The following SLC6A17 variants were observed in gnomAD, a reference collection of about 807,000 sequenced individuals.
SLC6A17 encodes the protein sodium-dependent neutral amino acid transporter SLC6A17.
A neutral mutation model predicts 64.5 loss-of-function variants in SLC6A17; 21 were observed. The observed-to-expected ratio is 0.33, with a 90% CI of 0.23 to 0.47. The LOEUF is 0.47. Ranked by LOEUF, SLC6A17 falls within the 20% of genes least tolerant of loss-of-function variation. SLC6A17 has a pLI of 1.00. For synonymous variants in SLC6A17, 372 were observed against 399.5 expected (o/e 0.93, Z 0.82); for missense variants, 682 against 963.2 (o/e 0.71, Z 3.86).
rs1426408047 is a variant in SLC6A17 at position 110,172,402 on chromosome 1, T to C, written c.444+185T>C. 8.0e-6 allele frequency: 6 copies of C among 745,424 alleles called. No homozygotes were observed. In the African/African-American group the frequency reaches 8.9e-5, roughly 11 times the overall value. The allele number at this position is 745,424 out of a possible 1,614,324, so 46.2% of individuals were successfully genotyped here. A position where few individuals can be genotyped will look rare whatever the true frequency, so the allele number is the denominator to read the frequency against. ...ACCCCAGTCACCATGTTTCCTAAAC[T>C]GAGAGTCGACCACGTTGCCTGAAAC... On this transcript the variant is annotated intron_variant, in intron 3 of 11. Coordinates refer to ENST00000331565, the MANE Select transcript of SLC6A17 (RefSeq NM_001010898.4).
intron 11 of SLC6A17, 42 bp downstream of exon 11, chr1:110,197,641 C>T (rs1165247164): frequency 1.3e-6 from 2 of 1,544,696 alleles, no homozygotes; most frequent in Non-Finnish European, 1.7e-6. Flanking sequence ...TTTGCATCTT[C>T]TCAGGCCTTG....
At chr1:110,168,609 A>T (rs1271820128) in intron 2 of SLC6A17, among the ~76,000 whole-genome samples, 3 of 152,244 alleles carry the variant, frequency 2.0e-5, no homozygotes, top group African/African-American at 7.2e-5. Flanking sequence ...CAAAGCAAAG[A>T]TATACAAGTA....
At chr1:110,197,690 C>T (rs948066889) in intron 11 of SLC6A17, 91 bp downstream of exon 11, 1 of 1,395,074 alleles carries the variant, frequency 7.2e-7, no homozygotes, top group Non-Finnish European at 9.5e-7. Flanking sequence ...TCTAGGGCAG[C>T]TGCTATGTGC....
At chr1:110,190,666 A>T (rs1208689707) in intron 6 of SLC6A17, among the ~76,000 whole-genome samples, 1 of 152,208 alleles carries the variant, frequency 6.6e-6, no homozygotes, top group East Asian at 1.9e-4. Context: ...GCCAGGACCC[A>T]CACAGGGCTT....
chr1:110,189,366 G>A (rs182296656), intron 6 of SLC6A17, among the ~76,000 whole-genome samples: 62 of 151,900 alleles, frequency 4.1e-4, no homozygotes, highest in African/African-American at 1.4e-3. Context: ...CCCTCACCTC[G>A]GCCTCTCCCT....
intron 6 of SLC6A17, 95 bp from the exon 7 acceptor site, chr1:110,191,877 G>A: frequency 2.0e-6 from 3 of 1,528,264 alleles, no homozygotes; most frequent in Non-Finnish European, 2.6e-6. Context: ...TGCTGCCTCT[G>A]AACTCTGTTG....
In SLC6A17 at chr1:110,192,609, G is replaced by C. The variant is rs924234222; in HGVS notation, c.1210G>C (p.Glu404Gln). ...FSHLTTKDYM[E>Q]MYNVIMTVKE... ...CCACCTGACCACAAAGGACTACATG[G>C]AGATGTACAATGTCATCATGACCGT... is the stretch of plus-strand genomic sequence containing the variant. The change falls in exon 8 of 12, where the codon GAG becomes CAG. Residue 404 changes from glutamate (E) to glutamine (Q), a missense_variant. Glu to Gln is a conservative substitution (Grantham distance 29, BLOSUM62 2). Coordinates refer to ENST00000331565, the MANE Select transcript of SLC6A17 (RefSeq NM_001010898.4). The surrounding 1 kb of genome is among the most constrained non-coding windows in gnomAD (Gnocchi z 4.3). The C allele has an allele frequency of 5.0e-6, 8 of 1,614,046 alleles. No individual in the cohort carries two copies. The highest frequency in any genetic ancestry group is 5.1e-6 in the Non-Finnish European group (6 of 1,180,028).
Position 110,194,547 on chromosome 1 carries a change from C to A in SLC6A17, c.1300-32C>A, listed in dbSNP as rs369044613. On this transcript the variant is annotated intron_variant, in intron 8 of 11. Coordinates refer to ENST00000331565, the MANE Select transcript of SLC6A17 (RefSeq NM_001010898.4). ...AGTGGGCTCCCCAGGGAGGGGTGAC[C>A]TCACAGGCCCTGCTTTCCACCCCAC... 3 of 1,604,420 alleles carry A rather than the reference C, an allele frequency of 1.9e-6. No homozygotes were observed. The East Asian group carries it at 6.7e-5, about 36-fold the overall frequency.
chr1:110,151,519 T>C (rs1655606388), intron 1 of SLC6A17, among the ~76,000 whole-genome samples: 1 of 152,188 alleles, frequency 6.6e-6, no homozygotes, highest in Non-Finnish European at 1.5e-5. Flanking sequence ...GTGGTGCCCA[T>C]CTGGAGGGGG....
rs529439178 is a variant in SLC6A17, at chr1:110,152,229, C to T, written c.-88+1346C>T. Reference sequence around the variant, plus strand: ...ATTGTCCTTGGCCATGGCTCATCCACGAGGACCGTCAGAGGCTTTAGCTCC... The same window carrying T: ...ATTGTCCTTGGCCATGGCTCATCCATGAGGACCGTCAGAGGCTTTAGCTCC... On this transcript the variant is annotated intron_variant, in intron 1 of 11. Coordinates refer to ENST00000331565, the MANE Select transcript of SLC6A17 (RefSeq NM_001010898.4). Among the ~76,000 whole-genome samples the T allele has an allele frequency of 7.2e-5, 11 of 152,292 alleles. No homozygotes were observed. In the South Asian group the frequency reaches 2.1e-3, roughly 29 times the overall value.
At chr1:110,188,415 A>AT (rs1443598477) in intron 6 of SLC6A17, among the ~76,000 whole-genome samples, 1 of 152,138 alleles carries the variant, frequency 6.6e-6, no homozygotes, top group Non-Finnish European at 1.5e-5. Context: ...CGCTGTGGCT[A>AT]TTTTAAACCC....
intron 6 of SLC6A17, among the ~76,000 whole-genome samples, chr1:110,184,789 A>T (rs563903834): frequency 6.6e-6 from 1 of 152,342 alleles, no homozygotes; most frequent in South Asian, 2.1e-4. Context: ...GTGTATGTAT[A>T]TGTGTATGTA....
intron 6 of SLC6A17, among the ~76,000 whole-genome samples, chr1:110,182,474 G>A (rs1018516102): frequency 1.3e-5 from 2 of 151,948 alleles, no homozygotes; most frequent in African/African-American, 4.8e-5. Flanking sequence ...GGATAACAGA[G>A]AGAATTTAAA....
Position 110,196,294 on chromosome 1 carries a change from A to G in SLC6A17, c.1652+549A>G, listed in dbSNP as rs192608356. On this transcript the variant is annotated intron_variant, in intron 10 of 11. Transcript: ENST00000331565. ...GTTAGGGCAAATACGTGTTCCCAGG[A>G]GTTCTAGAACTAGGTCTCTCTGACT... Among the ~76,000 whole-genome samples, 3 of 152,300 alleles carry G rather than the reference A, an allele frequency of 2.0e-5. No homozygotes were observed. The East Asian group carries it at 5.8e-4, about 29-fold the overall frequency.
At chr1:110,197,932 C>T in intron 11 of SLC6A17, 144 bp from the exon 12 acceptor site, 1 of 1,386,294 alleles carries the variant, frequency 7.2e-7, no homozygotes. Context: ...GGTAAACCCC[C>T]ATCCTTGGCT....
chr1:110,172,045 C>T lies in SLC6A17; in HGVS notation c.287-15C>T. ...GCTCCAGAGCCCCTCTGCCATCCCT[C>T]TGCTCTCCCCACAGGTGCTTACCTG... On this transcript the variant is annotated splice_polypyrimidine_tract_variant and intron_variant, in intron 2 of 11. Coordinates refer to ENST00000331565, the MANE Select transcript of SLC6A17 (RefSeq NM_001010898.4). 6.2e-7 allele frequency: 1 copy of T among 1,613,570 alleles called. No homozygotes were observed. Among genetic ancestry groups the T allele is most frequent in the East Asian group, 2.2e-5 (1 of 44,874 alleles).
At chr1:110,179,318 G>A (rs1656453322) in intron 6 of SLC6A17, among the ~76,000 whole-genome samples, 1 of 152,156 alleles carries the variant, frequency 6.6e-6, no homozygotes, top group Non-Finnish European at 1.5e-5. Context: ...CAAAGGGTAT[G>A]CATATCTTCA....
At chr1:110,180,389 C>A (rs1395359818) in intron 6 of SLC6A17, among the ~76,000 whole-genome samples, 4 of 152,202 alleles carry the variant, frequency 2.6e-5, no homozygotes, top group African/African-American at 9.6e-5. Flanking sequence ...GGAACAAAAA[C>A]CCCAGCACAC....
At chr1:110,193,842 A>G (rs1656890941) in intron 8 of SLC6A17, among the ~76,000 whole-genome samples, 1 of 152,200 alleles carries the variant, frequency 6.6e-6, no homozygotes, top group Admixed American at 6.5e-5. Flanking sequence ...TTTTCATACA[A>G]TACAACTCCG....
Sources: gnomAD v4.1 joint callset for allele counts (sites outside exome capture counted in the v4.1 genomes callset) on GRCh38, gnomAD v4.1.1 for gene constraint, Gnocchi (gnomAD v3.1) non-coding constraint, MANE v1.5 for transcripts, NCBI Gene and HGNC (gene_info 2026-07-23, HGNC 2026-07-21) for gene names.